The following BOLL variants were observed in gnomAD, a reference collection of about 807,000 sequenced individuals.
BOLL encodes boule RNA binding protein, also known as protein boule-like.
Under a neutral mutation model 44.4 loss-of-function variants are expected in BOLL, and 23 were observed. The observed-to-expected ratio is 0.52, with a 90% confidence interval of 0.37 to 0.73. The LOEUF (loss-of-function observed/expected upper bound fraction) is 0.73. Ranked by LOEUF, BOLL falls within the 30% of genes least tolerant of loss-of-function variation. BOLL has a pLI of 0.00. For missense variants in BOLL, 287 were observed against 338.3 expected, an observed-to-expected ratio of 0.85 and a Z score of 1.19; for synonymous variants, 97 against 110.8, an observed-to-expected ratio of 0.88 and a Z score of 0.78.
At chr2:197,773,787 C>T (rs1056695795) in intron 5 of BOLL, among the ~76,000 whole-genome samples, 1 of 151,790 alleles carries the variant, frequency 6.6e-6, no homozygotes, top group Non-Finnish European at 1.5e-5. Flanking sequence ...AAGAGGTGCA[C>T]TTTTGAAAGA....
rs151126588 is a variant in BOLL at position 197,728,477 on chromosome 2, C to T, written c.*78G>A. The T allele has an allele frequency of 3.2e-4, 519 of 1,609,982 alleles. 1 individual carries two copies. The highest frequency in any genetic ancestry group is 1.5e-3 in the Middle Eastern group (9 of 6,058). On this transcript the variant is annotated 3_prime_UTR_variant, in exon 11 of 11. Coordinates refer to ENST00000392296, the MANE Select transcript of BOLL (RefSeq NM_033030.6). ...CACAACGGGCAGCTTCTAGCTGGTT[C>T]GTTGAAGCTGGATCTCGGCCACGCA...
At chr2:197,771,236 C>T (rs926644848) in intron 6 of BOLL, among the ~76,000 whole-genome samples, 1 of 151,322 alleles carries the variant, frequency 6.6e-6, no homozygotes, top group African/African-American at 2.4e-5. Flanking sequence ...TCTGAGCAAG[C>T]TATTGCAAGG....
At chr2:197,778,811 C>T (rs1689638202) in intron 3 of BOLL, among the ~76,000 whole-genome samples, 164 bp downstream of exon 3, 1 of 151,506 alleles carries the variant, frequency 6.6e-6, no homozygotes, top group Non-Finnish European at 1.5e-5. Flanking sequence ...AAAATACACA[C>T]ACACACACAC....
At chr2:197,780,773 A>G (rs1689731615) in intron 2 of BOLL, among the ~76,000 whole-genome samples, 1 of 74,048 alleles carries the variant, frequency 1.4e-5, no homozygotes, top group Non-Finnish European at 2.6e-5. Context: ...CTAATGGCAT[A>G]AGGAAGGTTT....
chr2:197,786,049 A>G (rs749952075), upstream of BOLL: 8 of 1,602,074 alleles, frequency 5.0e-6, no homozygotes, highest in South Asian at 3.3e-5. This position sits in a 1 kb window ranked among gnomAD's most constrained non-coding sequence, Gnocchi z 5.9. Context: ...AAAGAAGCCT[A>G]AAGTTTGAAA....
At chr2:197,780,624 A>T (rs1052943166) in intron 2 of BOLL, among the ~76,000 whole-genome samples, 4 of 152,054 alleles carry the variant, frequency 2.6e-5, no homozygotes, top group African/African-American at 9.7e-5. Context: ...TTAGTGAAAC[A>T]ATCATATACT....
intron 9 of BOLL, among the ~76,000 whole-genome samples, chr2:197,750,620 A>C (rs1340418890): frequency 2.0e-5 from 3 of 152,258 alleles, no homozygotes; most frequent in East Asian, 3.8e-4. Flanking sequence ...ATATGCACCC[A>C]ATACAGGAGC....
chr2:197,756,915 T>C (rs558461261), intron 8 of BOLL, among the ~76,000 whole-genome samples: 2 of 152,278 alleles, frequency 1.3e-5, no homozygotes, highest in East Asian at 3.9e-4. Flanking sequence ...CTGTGACTTC[T>C]AATGAAAGTG....
chr2:197,747,322 G>T (rs1028369692), intron 9 of BOLL, among the ~76,000 whole-genome samples: 1 of 151,972 alleles, frequency 6.6e-6, no homozygotes, highest in South Asian at 2.1e-4. Flanking sequence ...AGTGGCTCAC[G>T]CCTGTAATCT....
intron 1 of BOLL, among the ~76,000 whole-genome samples, chr2:197,783,080 G>C (rs1689877815): frequency 6.6e-6 from 1 of 151,944 alleles, no homozygotes; most frequent in Admixed American, 6.5e-5. Context: ...TTTCCATCTG[G>C]AAACACTAAA....
intron 9 of BOLL, among the ~76,000 whole-genome samples, chr2:197,748,301 G>T (rs1378185699): frequency 6.6e-6 from 1 of 152,180 alleles, no homozygotes; most frequent in Non-Finnish European, 1.5e-5. Context: ...ACAAAACTGG[G>T]TGCCCATTTG....
intron 5 of BOLL, chr2:197,774,008 C>T (rs999181033): frequency 6.6e-6 from 3 of 457,440 alleles, no homozygotes; most frequent in South Asian, 4.9e-5. Flanking sequence ...ACCTATTTTT[C>T]TTCGCAGAAA....
At chr2:197,786,069 C>T (rs1045086632), upstream of BOLL, 12 of 1,577,278 alleles carry the variant, frequency 7.6e-6, no homozygotes, top group Admixed American at 8.8e-5. The surrounding 1 kb of genome is among the most constrained non-coding windows in gnomAD (Gnocchi z 5.9). Flanking sequence ...ACCACCTTCA[C>T]GCCAAGGCAG....
intron 10 of BOLL, among the ~76,000 whole-genome samples, chr2:197,731,460 A>G (rs955231820): frequency 6.9e-6 from 1 of 145,628 alleles, no homozygotes; most frequent in African/African-American, 2.6e-5. Flanking sequence ...TGCACCAAGC[A>G]GACCTAACAG....
At chr2:197,778,538 T>C (rs991334577) in intron 3 of BOLL, among the ~76,000 whole-genome samples, 6 of 151,806 alleles carry the variant, frequency 4.0e-5, no homozygotes, top group Non-Finnish European at 7.4e-5. Context: ...GAATTATATT[T>C]CTCATACTGG....
At chr2:197,762,236 G>A (rs978513098) in intron 7 of BOLL, among the ~76,000 whole-genome samples, 3 of 152,016 alleles carry the variant, frequency 2.0e-5, no homozygotes, top group African/African-American at 4.8e-5. Context: ...CCCAGCTACC[G>A]AGGAGGCTGA....
intron 9 of BOLL, among the ~76,000 whole-genome samples, chr2:197,745,416 G>C (rs1687946136): frequency 6.6e-6 from 1 of 152,040 alleles, no homozygotes. Context: ...CAAATATTTT[G>C]TATGGAAATA....
chr2:197,730,189 G>A (rs1234195738), intron 10 of BOLL, among the ~76,000 whole-genome samples: 3 of 134,502 alleles, frequency 2.2e-5, no homozygotes, highest in Non-Finnish European at 4.8e-5. Flanking sequence ...GAGCCAATGC[G>A]ATCAACTGGA....
At chr2:197,755,754 G>A (rs1038625970) in intron 9 of BOLL, among the ~76,000 whole-genome samples, 8 of 152,204 alleles carry the variant, frequency 5.3e-5, no homozygotes, top group Non-Finnish European at 1.5e-5. Flanking sequence ...GGGCTGGGAA[G>A]GGAGAGCATC....
Sources: allele counts gnomAD v4.1 joint callset (sites outside exome capture counted in the v4.1 genomes callset), GRCh38; gene constraint gnomAD v4.1.1; non-coding constraint Gnocchi (gnomAD v3.1); transcripts MANE v1.5; gene names NCBI Gene and HGNC (gene_info 2026-07-23, HGNC 2026-07-21).